Variants in CHLSN observed in about 807,000 individuals in gnomAD.
CHLSN encodes cholesin, also known as protein cholesin.
the CHLSN span, among the ~76,000 whole-genome samples, chr7:993,904 T>C: frequency 1.2e-4 from 18 of 144,596 alleles, no homozygotes; most frequent in South Asian, 7.3e-4. Context: ...TTCTCAGACA[T>C]CAATCCTGCA....
chr7:1,041,400 G>A, the CHLSN span, among the ~76,000 whole-genome samples: 2 of 123,956 alleles, frequency 1.6e-5, no homozygotes, highest in South Asian at 2.5e-4. Context: ...TGGGGTCCGC[G>A]CTGCGGGGAA....
At chr7:984,299 GC>G in the CHLSN span, 1 of 1,371,348 alleles carries the variant, frequency 7.3e-7, no homozygotes, top group South Asian at 1.5e-5. Flanking sequence ...CCCTCCACCT[GC>G]CCCCATTTTC....
chr7:1,026,386 G>A, the CHLSN span: 1 of 152,262 alleles, frequency 6.6e-6, no homozygotes, highest in Non-Finnish European at 1.5e-5. Context: ...GTGCTTCTGT[G>A]TCGACAGAGG....
the CHLSN span, chr7:997,886 A>G: frequency 7.5e-7 from 1 of 1,340,434 alleles, no homozygotes; most frequent in Non-Finnish European, 1.0e-6. Flanking sequence ...GCTGCAGCCA[A>G]GGACACCCGG....
At chr7:994,295 TCAC>T in the CHLSN span, among the ~76,000 whole-genome samples, 2 of 151,246 alleles carry the variant, frequency 1.3e-5, no homozygotes, top group Non-Finnish European at 2.9e-5. Flanking sequence ...GTAGCTGGGA[TCAC>T]TACAGGCGCC....
chr7:1,077,020 C>T, the CHLSN span, among the ~76,000 whole-genome samples: 1 of 152,258 alleles, frequency 6.6e-6, no homozygotes, highest in Non-Finnish European at 1.5e-5. Flanking sequence ...GGGCCGAGAC[C>T]CCCGGCCTGG....
the CHLSN span, among the ~76,000 whole-genome samples, chr7:1,101,711 C>T: frequency 1.3e-5 from 2 of 152,388 alleles, no homozygotes; most frequent in East Asian, 3.9e-4. Flanking sequence ...AGCACGGCCA[C>T]GGCAGCCTGA....
chr7:1,099,167 T>C, the CHLSN span, among the ~76,000 whole-genome samples: 6 of 134,114 alleles, frequency 4.5e-5, no homozygotes, highest in East Asian at 1.2e-3. Flanking sequence ...GTCGCGTTCC[T>C]GCAGCCGGCC....
chr7:1,002,467 G>T, the CHLSN span, among the ~76,000 whole-genome samples: 1 of 117,206 alleles, frequency 8.5e-6, no homozygotes, highest in Non-Finnish European at 1.8e-5. Context: ...CTGTGGGTGA[G>T]TGGAGTCCTG....
the CHLSN span, among the ~76,000 whole-genome samples, chr7:1,085,611 T>C: frequency 4.0e-5 from 6 of 151,304 alleles, no homozygotes; most frequent in Non-Finnish European, 8.8e-5. Flanking sequence ...GACAGGAGGA[T>C]CTCTTGAGCC....
the CHLSN span, chr7:1,028,397 G>A: frequency 2.0e-6 from 2 of 987,348 alleles, no homozygotes; most frequent in Non-Finnish European, 2.4e-6. Flanking sequence ...GGCGCGGCTG[G>A]AACCAGATCC....
chr7:1,100,936 G>A, the CHLSN span, among the ~76,000 whole-genome samples: 2,578 of 152,206 alleles, frequency 0.017, 91 homozygotes, highest in East Asian at 0.17. Context: ...ACAGAGCCCC[G>A]TGCACCCCTG....
chr7:1,092,516 C>T, the CHLSN span: 11 of 1,608,090 alleles, frequency 6.8e-6, no homozygotes, highest in South Asian at 7.7e-5. Context: ...ATGATCCTCG[C>T]GGTGGTGCTG....
At chr7:997,681 G>GA in the CHLSN span, 6 of 1,610,776 alleles carry the variant, frequency 3.7e-6, no homozygotes, top group African/African-American at 6.7e-5. Flanking sequence ...GGCAGGGGGG[G>GA]ATCAGAGCCC....
At chr7:1,017,634 C>G in the CHLSN span, among the ~76,000 whole-genome samples, 1 of 151,828 alleles carries the variant, frequency 6.6e-6, no homozygotes, top group East Asian at 1.9e-4. Context: ...AAACAAGACA[C>G]GGACTCAATG....
the CHLSN span, chr7:988,577 C>A: frequency 6.3e-7 from 1 of 1,598,522 alleles, no homozygotes; most frequent in Non-Finnish European, 8.5e-7. Flanking sequence ...GGTCCCCACC[C>A]CTCCCCTCCA....
the CHLSN span, chr7:1,138,257 C>T: frequency 6.6e-6 from 1 of 152,260 alleles, no homozygotes; most frequent in African/African-American, 2.4e-5. Context: ...CGCCTTCCGG[C>T]AGGGACCCGC....
the CHLSN span, chr7:1,026,746 G>A: frequency 6.6e-6 from 1 of 152,380 alleles, no homozygotes; most frequent in East Asian, 1.9e-4. Context: ...TGGCTCCGAA[G>A]TCTGTGCAGA....
At chr7:1,053,013 G>A in the CHLSN span, among the ~76,000 whole-genome samples, 1 of 152,216 alleles carries the variant, frequency 6.6e-6, no homozygotes. Context: ...TCTTTCCCTT[G>A]AAGGAAGTCA....
Sources: gnomAD v4.1 joint callset for allele counts (sites outside exome capture counted in the v4.1 genomes callset) on GRCh38, gnomAD v4.1.1 for gene constraint, MANE v1.5 for transcripts, NCBI Gene and HGNC (gene_info 2026-07-23, HGNC 2026-07-21) for gene names.